Variants in TMEM135 observed in about 807,000 individuals in gnomAD.
TMEM135 encodes transmembrane protein 135.
A neutral mutation model predicts 60.3 loss-of-function variants in TMEM135; 30 were observed. The observed-to-expected ratio is 0.50, with a 90% CI of 0.37 to 0.68. The LOEUF (loss-of-function observed/expected upper bound fraction) is 0.68, where lower values mean the gene tolerates loss of function less well. Among genes scored for constraint, TMEM135 ranks in the 30% least tolerant of loss-of-function variants. The pLI is 0.00. For synonymous variants in TMEM135, 190 were observed against 186.7 expected (o/e 1.02, Z -0.14); for missense variants, 468 against 548.8 (o/e 0.85, Z 1.47).
intron 5 of TMEM135, among the ~76,000 whole-genome samples, chr11:87,159,229 A>C (rs929604661): frequency 5.3e-5 from 8 of 152,140 alleles, no homozygotes; most frequent in African/African-American, 1.9e-4. Context: ...AGTTTCTATA[A>C]TGAGGTTAAA....
intron 5 of TMEM135, among the ~76,000 whole-genome samples, chr11:87,171,829 C>T (rs539900383): frequency 6.6e-6 from 1 of 152,214 alleles, no homozygotes; most frequent in East Asian, 1.9e-4. Flanking sequence ...CTCACATCAT[C>T]ATTAGATTAT....
chr11:87,232,254 G>A lies in TMEM135; in HGVS notation c.463-4384G>A, dbSNP rs1431940852. Among the ~76,000 whole-genome samples, 3 of 151,944 alleles carry A rather than the reference G, an allele frequency of 2.0e-5. No homozygotes were observed. The East Asian group carries it at 5.8e-4, about 29-fold the overall frequency. ...GGATGAGCCATCGCGCCTGGCCAAG[G>A]TTTTGTTTTTTCTTTTTTAATCACC... On this transcript the variant is annotated intron_variant, in intron 5 of 14. Coordinates refer to ENST00000305494, the MANE Select transcript of TMEM135 (RefSeq NM_022918.4).
At chr11:87,222,918 C>CAGA (rs1940674538) in intron 5 of TMEM135, among the ~76,000 whole-genome samples, 7 of 152,164 alleles carry the variant, frequency 4.6e-5, no homozygotes, top group Admixed American at 4.6e-4. Context: ...CTCTATTCAA[C>CAGA]ATCGTTACAT....
At chr11:87,236,826 A>T (rs1429112002) in intron 6 of TMEM135, 142 bp downstream of exon 6, 26 of 755,094 alleles carry the variant, frequency 3.4e-5, no homozygotes, top group Admixed American at 6.5e-5. Context: ...CAGAGTGGAC[A>T]GAGGTAAATC....
intron 6 of TMEM135, among the ~76,000 whole-genome samples, chr11:87,280,922 C>CTG (rs1478978937): frequency 6.6e-6 from 1 of 152,160 alleles, no homozygotes; most frequent in African/African-American, 2.4e-5. Context: ...GCCTATCAGC[C>CTG]GTATCCGCCT....
intron 5 of TMEM135, among the ~76,000 whole-genome samples, chr11:87,229,478 A>G (rs1940840838): frequency 6.6e-6 from 1 of 152,176 alleles, no homozygotes; most frequent in South Asian, 2.1e-4. Flanking sequence ...TGGGTATAGG[A>G]AAATAACTAG....
intron 1 of TMEM135, among the ~76,000 whole-genome samples, chr11:87,059,307 CTTT>C (rs774797136): frequency 5.9e-5 from 8 of 134,606 alleles, no homozygotes; most frequent in Admixed American, 7.5e-5. Context: ...GTTTGAAGTT[CTTT>C]TTTTTTTTTT....
At chr11:87,073,582 C>T (rs1462486071) in intron 3 of TMEM135, among the ~76,000 whole-genome samples, 1 of 152,152 alleles carries the variant, frequency 6.6e-6, no homozygotes, top group Non-Finnish European at 1.5e-5. Context: ...TGCTATCTGT[C>T]TTAGGAGCCC....
chr11:87,269,073 T>TA lies in TMEM135; in HGVS notation c.510-26709_510-26708insA, dbSNP rs1941809167. Among the ~76,000 whole-genome samples, 3 of 151,876 alleles carry TA rather than the reference T, an allele frequency of 2.0e-5. No homozygotes were observed. The South Asian group carries it at 6.2e-4, about 31-fold the overall frequency. On this transcript the variant is annotated intron_variant, in intron 6 of 14. Coordinates refer to ENST00000305494, the MANE Select transcript of TMEM135 (RefSeq NM_022918.4). ...GCTTTTAAAAATGGCTAGTTTTTTT[T>TA]TTTTGAAATACGCAATGCACATTTT...
At chr11:87,083,729 A>T (rs995307820) in intron 3 of TMEM135, among the ~76,000 whole-genome samples, 1 of 152,184 alleles carries the variant, frequency 6.6e-6, no homozygotes, top group African/African-American at 2.4e-5. Flanking sequence ...AAGATAGAAC[A>T]TGATCATAGA....
chr11:87,227,639 T>C (rs892989923), intron 5 of TMEM135, among the ~76,000 whole-genome samples: 6 of 152,154 alleles, frequency 3.9e-5, no homozygotes, highest in African/African-American at 1.4e-4. Context: ...TACATAGCTA[T>C]TTAACTTTAG....
At chr11:87,230,738 G>A (rs570444943) in intron 5 of TMEM135, among the ~76,000 whole-genome samples, 2 of 152,132 alleles carry the variant, frequency 1.3e-5, no homozygotes, top group Admixed American at 1.3e-4. Flanking sequence ...ACTTTTTGCA[G>A]TGATGAGAAT....
intron 4 of TMEM135, among the ~76,000 whole-genome samples, chr11:87,115,917 A>G (rs928061942): frequency 1.3e-5 from 2 of 152,070 alleles, no homozygotes; most frequent in African/African-American, 4.8e-5. Flanking sequence ...AAATTGATTT[A>G]TATGCTATTT....
chr11:87,219,635 G>A (rs1308164070), intron 5 of TMEM135, among the ~76,000 whole-genome samples: 1 of 152,104 alleles, frequency 6.6e-6, no homozygotes, highest in African/African-American at 2.4e-5. Context: ...TTTAACCTGA[G>A]TTACTTTCCT....
At chr11:87,097,142 G>A (rs947539393) in intron 4 of TMEM135, among the ~76,000 whole-genome samples, 4 of 152,002 alleles carry the variant, frequency 2.6e-5, no homozygotes, top group African/African-American at 9.7e-5. Flanking sequence ...GATTACAGGC[G>A]CACACTGCCA....
intron 6 of TMEM135, among the ~76,000 whole-genome samples, chr11:87,273,517 CAT>C (rs1278948579): frequency 6.6e-6 from 1 of 151,986 alleles, no homozygotes; most frequent in Non-Finnish European, 1.5e-5. Context: ...ATAGAAGAAA[CAT>C]ATTGTATTGC....
At chr11:87,057,928 G>T (rs975867025) in intron 1 of TMEM135, among the ~76,000 whole-genome samples, 1 of 152,128 alleles carries the variant, frequency 6.6e-6, no homozygotes, top group African/African-American at 2.4e-5. Flanking sequence ...TAATTCCAGT[G>T]TGAGTCCAAA....
chr11:87,172,418 G>C (rs955054876), intron 5 of TMEM135, among the ~76,000 whole-genome samples: 1 of 151,266 alleles, frequency 6.6e-6, no homozygotes, highest in Admixed American at 6.6e-5. Context: ...AGAAAGAAAA[G>C]TAGGTTTTTT....
chr11:87,122,316 T>G (rs1452303482), intron 4 of TMEM135, among the ~76,000 whole-genome samples: 2 of 146,510 alleles, frequency 1.4e-5, no homozygotes, highest in South Asian at 4.3e-4. Context: ...TAGGTTTTTT[T>G]TTTTTTTTTT....
Sources: allele counts gnomAD v4.1 joint callset (sites outside exome capture counted in the v4.1 genomes callset), GRCh38; gene constraint gnomAD v4.1.1; transcripts MANE v1.5; gene names NCBI Gene and HGNC (gene_info 2026-07-23, HGNC 2026-07-21).